The following ANO10 variants were observed in gnomAD, a reference collection of about 807,000 sequenced individuals.
ANO10 encodes the protein anoctamin-10.
A neutral mutation model predicts 74.7 loss-of-function variants in ANO10; 77 were observed. The ratio of observed to expected loss-of-function variants is 1.03; its 90% CI spans 0.86 to 1.25. ANO10 has a LOEUF of 1.25. Ranked by LOEUF, ANO10 falls within the 50% of genes most tolerant of loss-of-function variation. The pLI is 0.00. For missense variants in ANO10, 721 were observed against 778.1 expected, an observed-to-expected ratio of 0.93 and a Z score of 0.87; for synonymous variants, 279 against 284.9, an observed-to-expected ratio of 0.98 and a Z score of 0.21.
At chr3:43,502,134 T>C (rs1430860264) in intron 11 of ANO10, among the ~76,000 whole-genome samples, 1 of 152,216 alleles carries the variant, frequency 6.6e-6, no homozygotes, top group African/African-American at 2.4e-5. Context: ...AGAATTACCA[T>C]ATGATCCAGT....
chr3:43,477,669 C>A (rs964011592), intron 11 of ANO10, among the ~76,000 whole-genome samples: 1 of 152,172 alleles, frequency 6.6e-6, no homozygotes, highest in Non-Finnish European at 1.5e-5. Flanking sequence ...TGACAAATTA[C>A]CCCTCATCTT....
chr3:43,462,535 C>T (rs929005732), intron 11 of ANO10, among the ~76,000 whole-genome samples: 1 of 152,172 alleles, frequency 6.6e-6, no homozygotes, highest in South Asian at 2.1e-4. Flanking sequence ...CCAGGCCTAG[C>T]ACTCATTTTT....
rs2076413867 is a variant in ANO10 at position 43,484,994 on chromosome 3, T to C, written c.1798-52267A>G. 2.8e-6 allele frequency: 4 copies of C among 1,449,246 alleles called. No individual in the cohort carries two copies. In the African/African-American group the frequency reaches 4.2e-5, roughly 15 times the overall value. 89.8% of individuals were successfully genotyped at this position (1,449,246 alleles called of 1,614,324 possible). A position where few individuals can be genotyped will look rare whatever the true frequency, so the allele number is the denominator to read the frequency against. ...CACCTAGAAGAAGGTGTTGGGCCTC[T>C]TGGTGGTGAGGCGTGGCTTGTGCTG... is the stretch of plus-strand genomic sequence containing the variant. On this transcript the variant is annotated intron_variant, in intron 11 of 12. Coordinates refer to ENST00000292246, the MANE Select transcript of ANO10 (RefSeq NM_018075.5).
At chr3:43,520,230 G>A (rs1166926469) in intron 11 of ANO10, among the ~76,000 whole-genome samples, 2 of 152,084 alleles carry the variant, frequency 1.3e-5, no homozygotes, top group African/African-American at 4.8e-5. Context: ...TCCAGTTTTA[G>A]TTGATTTTTG....
intron 11 of ANO10, among the ~76,000 whole-genome samples, chr3:43,452,414 A>T (rs536650118): frequency 2.6e-5 from 4 of 152,160 alleles, no homozygotes; most frequent in Non-Finnish European, 4.4e-5. Context: ...ATTCCACATA[A>T]ATGGAATCAT....
chr3:43,517,789 C>G (rs144297071), intron 11 of ANO10, among the ~76,000 whole-genome samples: 125 of 152,280 alleles, frequency 8.2e-4, no homozygotes, highest in African/African-American at 2.8e-3. Context: ...AAATTGAGCA[C>G]TACCCTAATT....
rs1023487551 is a variant in ANO10 at position 43,608,631 on chromosome 3, G to T, written c.-11-2768C>A. On this transcript the variant is annotated intron_variant, in intron 1 of 12. Transcript: ENST00000292246. ...TTGCTCTGTCACCCAGGCTAGTCTG[G>T]AGTACAGCGGTGTGATCGTGGCTCA... Among the ~76,000 whole-genome samples the T allele has an allele frequency of 4.6e-5, 7 of 152,100 alleles. No homozygotes were observed. The South Asian group carries it at 1.4e-3, about 31-fold the overall frequency.
At chr3:43,382,000 TA>T (rs1295164498) in intron 12 of ANO10, among the ~76,000 whole-genome samples, 1 of 152,164 alleles carries the variant, frequency 6.6e-6, no homozygotes, top group Non-Finnish European at 1.5e-5. Flanking sequence ...AGATGGAAAT[TA>T]AAAAATTATT....
chr3:43,378,003 T>C (rs2091858378), intron 12 of ANO10, among the ~76,000 whole-genome samples: 1 of 152,130 alleles, frequency 6.6e-6, no homozygotes, highest in African/African-American at 2.4e-5. Context: ...TCCCGACTCA[T>C]GGAGTATGAG....
intron 11 of ANO10, among the ~76,000 whole-genome samples, 162 bp from the exon 12 acceptor site, chr3:43,432,889 C>A (rs2093006167): frequency 6.8e-6 from 1 of 146,110 alleles, no homozygotes; most frequent in Admixed American, 6.9e-5. Flanking sequence ...ATGAGTTGTA[C>A]TGAGTGAGTC....
chr3:43,614,793 A>C lies in ANO10; in HGVS notation c.-12+7116T>G, dbSNP rs1051905064. On this transcript the variant is annotated intron_variant, in intron 1 of 12. Transcript: ENST00000292246. ...AAACTATATATATATATATATATATATATATATATAGGTTCATTACAGTTT... is the reference window on the plus strand; with the variant it reads ...AAACTATATATATATATATATATATCTATATATATAGGTTCATTACAGTTT... Among the ~76,000 whole-genome samples the C allele has an allele frequency of 4.3e-3, 585 of 135,850 alleles. 20 individuals carry two copies. Among genetic ancestry groups the C allele is most frequent in the Non-Finnish European group, 7.7e-3 (482 of 62,560 alleles). 89.1% of individuals were successfully genotyped at this position (135,850 alleles called of 152,430 possible). A position where few individuals can be genotyped will look rare whatever the true frequency, so the allele number is the denominator to read the frequency against.
At chr3:43,617,812 C>T (rs957283810) in intron 1 of ANO10, among the ~76,000 whole-genome samples, 1 of 152,076 alleles carries the variant, frequency 6.6e-6, no homozygotes, top group Non-Finnish European at 1.5e-5. Flanking sequence ...TCACCTTATT[C>T]CAGATTCAAA....
intron 1 of ANO10, among the ~76,000 whole-genome samples, chr3:43,670,075 A>G (rs1183069271): frequency 6.6e-6 from 1 of 152,040 alleles, no homozygotes; most frequent in Non-Finnish European, 1.5e-5. Context: ...GAGATTGGCC[A>G]GGCATGGTGG....
intron 1 of ANO10, among the ~76,000 whole-genome samples, chr3:43,634,607 A>C (rs2083586833): frequency 6.6e-6 from 1 of 152,086 alleles, no homozygotes; most frequent in South Asian, 2.1e-4. Flanking sequence ...GCAGGTGCAA[A>C]ATCTAAAACA....
chr3:43,649,111 T>A (rs1447498161), intron 1 of ANO10, among the ~76,000 whole-genome samples: 1 of 152,198 alleles, frequency 6.6e-6, no homozygotes, highest in Non-Finnish European at 1.5e-5. Flanking sequence ...GGTCTCAGCC[T>A]TATTTTACCC....
At chr3:43,379,216 A>G (rs1575606107) in intron 12 of ANO10, among the ~76,000 whole-genome samples, 1 of 152,360 alleles carries the variant, frequency 6.6e-6, no homozygotes, top group African/African-American at 2.4e-5. Context: ...ACAGCACTGA[A>G]CTACCAACAG....
chr3:43,412,391 G>A (rs567887072), intron 12 of ANO10, among the ~76,000 whole-genome samples: 11 of 152,250 alleles, frequency 7.2e-5, no homozygotes, highest in African/African-American at 2.2e-4. Context: ...AGAGATAACT[G>A]CCAAGACCTG....
intron 8 of ANO10, among the ~76,000 whole-genome samples, chr3:43,564,841 GT>G (rs924797719): frequency 1.3e-5 from 2 of 152,168 alleles, no homozygotes; most frequent in Non-Finnish European, 2.9e-5. Flanking sequence ...TATTACAACT[GT>G]TTTTTTAAGC....
chr3:43,368,257 C>T (rs954291524), intron 12 of ANO10, among the ~76,000 whole-genome samples: 15 of 152,184 alleles, frequency 9.9e-5, no homozygotes, highest in African/African-American at 3.1e-4. Context: ...AAGGGGGCTA[C>T]GGAGAGTCAA....
Sources: allele counts gnomAD v4.1 joint callset (sites outside exome capture counted in the v4.1 genomes callset), GRCh38; gene constraint gnomAD v4.1.1; transcripts MANE v1.5; gene names NCBI Gene and HGNC (gene_info 2026-07-23, HGNC 2026-07-21).